PDE4D: variants seen among roughly 807,000 people sequenced by gnomAD.
PDE4D encodes the protein 3',5'-cyclic-AMP phosphodiesterase 4D.
A neutral mutation model predicts 87.4 loss-of-function variants in PDE4D; 24 were observed. The ratio of observed to expected loss-of-function variants is 0.27; its 90% CI spans 0.20 to 0.39. The LOEUF (loss-of-function observed/expected upper bound fraction) is 0.39. PDE4D is among the 10% of genes least tolerant of loss of function. The pLI is 1.00. For synonymous variants in PDE4D, 384 were observed against 383.2 expected (o/e 1.00, Z -0.02); for missense variants, 714 against 1,041.0 (o/e 0.69, Z 4.32).
At chr5:59,567,865 TTATC>T (rs1159828840) in intron 1 of PDE4D, among the ~76,000 whole-genome samples, 5 of 152,196 alleles carry the variant, frequency 3.3e-5, no homozygotes, top group Non-Finnish European at 7.3e-5. Flanking sequence ...GAACTAATGC[TTATC>T]TATCTATCAT....
intron 2 of PDE4D, among the ~76,000 whole-genome samples, chr5:60,107,414 A>C (rs1270989803): frequency 6.6e-6 from 1 of 152,178 alleles, no homozygotes; most frequent in Non-Finnish European, 1.5e-5. Context: ...TTCACAGCCG[A>C]ATTCTACCAG....
At position 58,972,133 on chromosome 5, in the gene PDE4D, T is replaced by G. The variant is rs994527194; in HGVS notation, c.*2531A>C. ...CATTATTAAGATTCTAGGCACTCTGTGGGGGAAATACTAAGTGTAGGGAGG... is the reference window on the plus strand; with the variant it reads ...CATTATTAAGATTCTAGGCACTCTGGGGGGGAAATACTAAGTGTAGGGAGG... On this transcript the variant is annotated 3_prime_UTR_variant, in exon 15 of 15. Coordinates refer to ENST00000340635, the MANE Select transcript of PDE4D (RefSeq NM_001104631.2). The G allele has an allele frequency of 2.0e-5, 3 of 152,466 alleles. No individual in the cohort carries two copies. The highest frequency in any genetic ancestry group is 4.4e-5 in the Non-Finnish European group (3 of 67,998). 9.4% of individuals were successfully genotyped at this position (152,466 alleles called of 1,614,324 possible).
At chr5:59,940,704 C>G (rs34093369) in intron 3 of PDE4D, among the ~76,000 whole-genome samples, 59,820 of 151,856 alleles carry the variant, frequency 0.39, 13,284 homozygotes, top group East Asian at 0.77. Context: ...TACACAGGTC[C>G]GGAGCTCAGA....
rs772095710 is a variant in PDE4D at position 59,239,208 on chromosome 5, C to G, written c.456-23240G>C. 1.6e-4 allele frequency among the ~76,000 whole-genome samples: 24 copies of G among 152,192 alleles called. 1 individual carries two copies. Among genetic ancestry groups the G allele is most frequent in the Admixed American group, 1.5e-3 (23 of 15,262 alleles). ...GATAGAACTATGCCTTCTCCTGAAG[C>G]TTCAAACTTTAGTTGATATCTCAGG... On this transcript the variant is annotated intron_variant, in intron 1 of 14. Coordinates refer to ENST00000340635, the MANE Select transcript of PDE4D (RefSeq NM_001104631.2).
Position 59,196,157 on chromosome 5 carries a change from T to C in PDE4D, c.648-2621A>G, listed in dbSNP as rs148558761. On this transcript the variant is annotated intron_variant, in intron 2 of 14. Coordinates refer to ENST00000340635, the MANE Select transcript of PDE4D (RefSeq NM_001104631.2). ...GTAAAAAGAATGTTATCACAGCAAGTGTATTTTATATACAATCATCAGCTG... is the reference window on the plus strand; with the variant it reads ...GTAAAAAGAATGTTATCACAGCAAGCGTATTTTATATACAATCATCAGCTG... Among the ~76,000 whole-genome samples the C allele has an allele frequency of 9.6e-3, 1,464 of 152,306 alleles. 19 individuals are homozygous for C. Among genetic ancestry groups the C allele is most frequent in the Non-Finnish European group, 0.011 (770 of 68,034 alleles).
chr5:59,970,172 T>C (rs1484970631), intron 3 of PDE4D, among the ~76,000 whole-genome samples: 1 of 152,172 alleles, frequency 6.6e-6, no homozygotes, highest in Non-Finnish European at 1.5e-5. Flanking sequence ...GCTTTCTCAG[T>C]GGACTAACAG....
chr5:59,505,305 C>G (rs923078665), intron 1 of PDE4D, among the ~76,000 whole-genome samples: 1 of 152,146 alleles, frequency 6.6e-6, no homozygotes, highest in South Asian at 2.1e-4. Context: ...CATCAACAGT[C>G]TTTCTAGAAT....
intron 1 of PDE4D, among the ~76,000 whole-genome samples, chr5:59,305,189 T>G (rs1771078297): frequency 6.6e-6 from 1 of 152,180 alleles, no homozygotes; most frequent in Non-Finnish European, 1.5e-5. Flanking sequence ...ATAAAGGTGT[T>G]CATAGTAGCC....
chr5:59,280,177 T>A (rs1765562173), intron 1 of PDE4D, among the ~76,000 whole-genome samples: 1 of 152,066 alleles, frequency 6.6e-6, no homozygotes, highest in Admixed American at 6.6e-5. Context: ...TCTCACAACA[T>A]GAGTAATGGT....
At chr5:60,183,509 AACTC>A in intron 2 of PDE4D, among the ~76,000 whole-genome samples, 1 of 152,184 alleles carries the variant, frequency 6.6e-6, no homozygotes, top group Admixed American at 6.5e-5. Context: ...TCATGAGAGG[AACTC>A]ACTAAGTAAG....
chr5:59,217,276 TAAAC>T (rs1285573870), intron 1 of PDE4D: 6 of 455,778 alleles, frequency 1.3e-5, no homozygotes, highest in South Asian at 9.3e-5. Flanking sequence ...AAAGAATAAA[TAAAC>T]ATGTGAATTC....
At chr5:59,277,864 C>G (rs1002659756) in intron 1 of PDE4D, among the ~76,000 whole-genome samples, 3 of 152,172 alleles carry the variant, frequency 2.0e-5, no homozygotes, top group Non-Finnish European at 2.9e-5. Flanking sequence ...TTCCAAGAAT[C>G]TTTCTCTGAA....
intron 3 of PDE4D, among the ~76,000 whole-genome samples, chr5:59,968,397 T>C (rs796762240): frequency 4.8e-4 from 73 of 152,138 alleles, no homozygotes; most frequent in African/African-American, 1.7e-3. Flanking sequence ...TATGTATAAA[T>C]ATGGGAACAA....
At chr5:59,303,529 G>C (rs997200414) in intron 1 of PDE4D, among the ~76,000 whole-genome samples, 1 of 152,112 alleles carries the variant, frequency 6.6e-6, no homozygotes, top group Non-Finnish European at 1.5e-5. Flanking sequence ...TCACGTCTTA[G>C]GTTTAAGCCC....
At chr5:60,065,416 T>C (rs897892968) in intron 2 of PDE4D, among the ~76,000 whole-genome samples, 18 of 152,160 alleles carry the variant, frequency 1.2e-4, no homozygotes, top group Admixed American at 3.9e-4. Context: ...TTACATGACC[T>C]TAAACTAGTT....
chr5:59,153,181 A>G (rs1333054400), intron 5 of PDE4D, among the ~76,000 whole-genome samples: 1 of 152,084 alleles, frequency 6.6e-6, no homozygotes, highest in African/African-American at 2.4e-5. Context: ...ATGACTCCCT[A>G]GTGTTTCCAT....
chr5:60,108,114 C>T lies in PDE4D; in HGVS notation c.42+77443G>A, dbSNP rs537879482. Among the ~76,000 whole-genome samples the T allele has an allele frequency of 3.6e-3, 545 of 151,780 alleles. 2 individuals are homozygous for T. Among genetic ancestry groups the T allele is most frequent in the Middle Eastern group, 0.01 (3 of 294 alleles). ...TGATTGTATATCTAGAAAACCCCATCGTCTCAGCCCAAAATCTCCTTAAGC... is the reference window on the plus strand; with the variant it reads ...TGATTGTATATCTAGAAAACCCCATTGTCTCAGCCCAAAATCTCCTTAAGC... On this transcript the variant is annotated intron_variant, in intron 2 of 16. Coordinates refer to the PDE4D transcript ENST00000502484.
At chr5:60,512,466 T>C (rs764609616) in intron 1 of PDE4D, among the ~76,000 whole-genome samples, 1 of 152,172 alleles carries the variant, frequency 6.6e-6, no homozygotes, top group African/African-American at 2.4e-5. Flanking sequence ...AAATACTTTA[T>C]ACTAAATATC....
At chr5:59,819,701 GA>G (rs1769411669) in intron 1 of PDE4D, among the ~76,000 whole-genome samples, 1 of 152,144 alleles carries the variant, frequency 6.6e-6, no homozygotes, top group Admixed American at 6.5e-5. Context: ...CTTGAAGGGG[GA>G]AAAAGAATTT....
Sources: gnomAD v4.1 joint callset for allele counts (sites outside exome capture counted in the v4.1 genomes callset) on GRCh38, gnomAD v4.1.1 for gene constraint, MANE v1.5 for transcripts, NCBI Gene and HGNC (gene_info 2026-07-23, HGNC 2026-07-21) for gene names.